Variants in TMEM132D observed in about 807,000 individuals in gnomAD.
TMEM132D encodes the protein transmembrane protein 132D.
TMEM132D carries 21 observed loss-of-function variants against 62.3 expected under a neutral mutation model. That is an observed-to-expected ratio of 0.34 (90% CI 0.24 to 0.49). The LOEUF is 0.49. Among genes scored for constraint, TMEM132D ranks in the 20% least tolerant of loss-of-function variants. The pLI is 0.99. For missense variants in TMEM132D, 1,346 were observed against 1,402.8 expected, an observed-to-expected ratio of 0.96 and a Z score of 0.65; for synonymous variants, 621 against 575.6, an observed-to-expected ratio of 1.08 and a Z score of -1.13.
intron 1 of TMEM132D, among the ~76,000 whole-genome samples, chr12:129,745,687 C>T (rs1869753967): frequency 6.6e-6 from 1 of 152,138 alleles, no homozygotes; most frequent in Non-Finnish European, 1.5e-5. Context: ...ACTTGTATCA[C>T]CATAAAGAAT....
Position 129,547,254 on chromosome 12 carries a change from C to G in TMEM132D, c.969-16049G>C, listed in dbSNP as rs143983313. On this transcript the variant is annotated intron_variant, in intron 2 of 8. Transcript: ENST00000422113. ...CGGGGCCTTCCTTTTTAAATTTTTT[C>G]TAGAGACAGGGTCTCACTCTGTTGC... Among the ~76,000 whole-genome samples, 1,344 of 152,166 alleles carry G rather than the reference C, an allele frequency of 8.8e-3. 25 individuals carry two copies. The highest frequency in any genetic ancestry group is 0.031 in the African/African-American group (1,302 of 41,510).
At chr12:129,662,343 C>T (rs765660520) in intron 2 of TMEM132D, among the ~76,000 whole-genome samples, 3 of 152,154 alleles carry the variant, frequency 2.0e-5, no homozygotes, top group Non-Finnish European at 4.4e-5. Flanking sequence ...CCTGTTCCAC[C>T]TCCAATCGCC....
chr12:129,684,939 T>C (rs1052659182), intron 2 of TMEM132D, among the ~76,000 whole-genome samples: 13 of 152,130 alleles, frequency 8.5e-5, no homozygotes, highest in African/African-American at 2.7e-4. Flanking sequence ...ATTTAGGGTA[T>C]CTGGAAGAAG....
At chr12:129,096,440 C>T (rs1220837415) in intron 5 of TMEM132D, among the ~76,000 whole-genome samples, 1 of 152,202 alleles carries the variant, frequency 6.6e-6, no homozygotes, top group Non-Finnish European at 1.5e-5. Flanking sequence ...AACAACATTT[C>T]TGCCAACTCA....
chr12:129,299,853 C>T (rs1363887334), intron 4 of TMEM132D, among the ~76,000 whole-genome samples: 2 of 152,142 alleles, frequency 1.3e-5, no homozygotes, highest in Admixed American at 1.3e-4. Flanking sequence ...CAGGTCTCTT[C>T]AATGAACCAT....
chr12:129,791,414 CAT>C (rs1296681992), intron 1 of TMEM132D, among the ~76,000 whole-genome samples: 3 of 152,148 alleles, frequency 2.0e-5, no homozygotes, highest in African/African-American at 7.2e-5. Flanking sequence ...CATCAAATTA[CAT>C]GTTTCATCTT....
chr12:129,105,898 C>T (rs528784919), intron 5 of TMEM132D, among the ~76,000 whole-genome samples: 1,538 of 151,046 alleles, frequency 0.01, 18 homozygotes, highest in Non-Finnish European at 0.017. Flanking sequence ...ACCATTTGAC[C>T]CAGCCATCCC....
At chr12:129,163,473 G>A (rs1877454994) in intron 5 of TMEM132D, among the ~76,000 whole-genome samples, 1 of 152,154 alleles carries the variant, frequency 6.6e-6, no homozygotes, top group South Asian at 2.1e-4. Flanking sequence ...ACTAGATCTG[G>A]GGTTGGGTTT....
rs2135616386 is a variant in TMEM132D at position 129,081,904 on chromosome 12, T to C, written c.1778A>G (p.His593Arg). The change falls in exon 7 of 9, where the codon CAC becomes CGC. Residue 593 changes from histidine to arginine, a missense_variant. His to Arg is a conservative substitution (Grantham distance 29, BLOSUM62 0). Coordinates refer to ENST00000422113, the MANE Select transcript of TMEM132D (RefSeq NM_133448.3). Reference sequence around the variant, plus strand: ...GTCTGAGCCCAGCAGGTGGGCCAGGTGTCCCCCAGGGCCGGCCGCCTCAGC... The same window carrying C: ...GTCTGAGCCCAGCAGGTGGGCCAGGCGTCCCCCAGGGCCGGCCGCCTCAGC... The part of the protein sequence containing the change: ...FVAEAAGPGG[H>R]LAHLLGSDWQ... 1.9e-6 allele frequency: 3 copies of C among 1,614,054 alleles called. No homozygotes were observed. In the East Asian group the frequency reaches 6.7e-5, roughly 36 times the overall value.
chr12:129,301,431 A>G (rs754176789), intron 4 of TMEM132D, among the ~76,000 whole-genome samples: 21 of 152,080 alleles, frequency 1.4e-4, no homozygotes, highest in Non-Finnish European at 3.1e-4. Flanking sequence ...CCAAGATGCC[A>G]TTAGCAATGC....
intron 3 of TMEM132D, among the ~76,000 whole-genome samples, chr12:129,395,807 G>C (rs1418584741): frequency 3.2e-5 from 3 of 94,778 alleles, no homozygotes; most frequent in African/African-American, 3.8e-5. Flanking sequence ...TTTCTATATA[G>C]ATATATCTAT....
intron 5 of TMEM132D, among the ~76,000 whole-genome samples, chr12:129,154,637 TG>T (rs1230345928): frequency 3.3e-5 from 5 of 152,236 alleles, no homozygotes; most frequent in East Asian, 1.9e-4. Flanking sequence ...TGTTTGTGAT[TG>T]TTCCCTGTGA....
At chr12:129,642,960 T>C (rs1879678290) in intron 2 of TMEM132D, among the ~76,000 whole-genome samples, 1 of 144,610 alleles carries the variant, frequency 6.9e-6, no homozygotes, top group African/African-American at 2.6e-5. Context: ...GTTTCACTCT[T>C]GTCACCAAGG....
intron 5 of TMEM132D, among the ~76,000 whole-genome samples, chr12:129,153,514 G>T (rs547913750): frequency 9.2e-5 from 14 of 152,114 alleles, no homozygotes; most frequent in Admixed American, 3.3e-4. Context: ...TGGAAGGAGA[G>T]CAGTACATAC....
At chr12:129,404,782 G>C (rs758504971) in intron 3 of TMEM132D, among the ~76,000 whole-genome samples, 3 of 151,894 alleles carry the variant, frequency 2.0e-5, no homozygotes, top group Non-Finnish European at 4.4e-5. Context: ...TAAGCCATTC[G>C]TGAGAGATCT....
chr12:129,504,006 T>TTA, intron 3 of TMEM132D, among the ~76,000 whole-genome samples: 1 of 131,202 alleles, frequency 7.6e-6, no homozygotes, highest in African/African-American at 3.1e-5. Context: ...TTGTCATCAT[T>TTA]ACTGTCATCA....
At chr12:129,769,531 C>T (rs1014828950) in intron 1 of TMEM132D, among the ~76,000 whole-genome samples, 9 of 152,240 alleles carry the variant, frequency 5.9e-5, no homozygotes, top group African/African-American at 2.2e-4. Flanking sequence ...ACAGCCAAAC[C>T]GTATCAGTCC....
chr12:129,148,654 T>G (rs939073036), intron 5 of TMEM132D, among the ~76,000 whole-genome samples: 1 of 152,232 alleles, frequency 6.6e-6, no homozygotes, highest in African/African-American at 2.4e-5. Flanking sequence ...GATAACTTTG[T>G]GCATTTTTAA....
At chr12:129,126,127 T>C (rs1166545270) in intron 5 of TMEM132D, among the ~76,000 whole-genome samples, 1 of 152,204 alleles carries the variant, frequency 6.6e-6, no homozygotes, top group African/African-American at 2.4e-5. Flanking sequence ...TTTTGTTCAA[T>C]GTGTCGCTTA....
Sources: allele counts gnomAD v4.1 joint callset (sites outside exome capture counted in the v4.1 genomes callset), GRCh38; gene constraint gnomAD v4.1.1; transcripts MANE v1.5; gene names NCBI Gene and HGNC (gene_info 2026-07-23, HGNC 2026-07-21).